The following RNF13 variants were observed in gnomAD, a reference collection of about 807,000 sequenced individuals.
The protein encoded by RNF13 is E3 ubiquitin-protein ligase RNF13.
RNF13 carries 19 observed loss-of-function variants against 37.7 expected under a neutral mutation model. The observed-to-expected ratio is 0.50, with a 90% CI of 0.35 to 0.74. RNF13 has a LOEUF of 0.74. Among genes scored for constraint, RNF13 ranks in the 30% least tolerant of loss-of-function variants. The pLI is 0.01. For synonymous variants in RNF13, 144 were observed against 157.8 expected (o/e 0.91, Z 0.65); for missense variants, 375 against 453.0 (o/e 0.83, Z 1.56).
At chr3:149,892,268 A>G (rs544439761) in intron 4 of RNF13, among the ~76,000 whole-genome samples, 20 of 152,286 alleles carry the variant, frequency 1.3e-4, no homozygotes, top group Non-Finnish European at 2.1e-4. Context: ...TGCATTTTGG[A>G]TGTGTGAAAG....
intron 1 of RNF13, among the ~76,000 whole-genome samples, chr3:149,813,601 C>G (rs1465721737): frequency 1.3e-5 from 2 of 152,198 alleles, no homozygotes; most frequent in African/African-American, 2.4e-5. Flanking sequence ...GTTGAGTTAC[C>G]GGTTTTGCTT....
In RNF13 at chr3:149,960,845, C is replaced by G. The variant is rs758291629; in HGVS notation, c.887C>G (p.Thr296Arg). Residue 296 changes from threonine to arginine, a missense_variant, in exon 10 of 10, where the codon ACA becomes AGA. Physicochemically the swap from Thr to Arg is moderately conservative, Grantham distance 71. Transcript: ENST00000392894. ...TCTCAAGGCGATTCAGACTCTGACA[C>G]AGACAGTAGTCAAGAAGAAAATGAA... is the stretch of plus-strand genomic sequence containing the variant. ...VPSQGDSDSD[T>R]DSSQEENEVT... is the part of the protein sequence containing the mutation. The G allele has an allele frequency of 2.2e-5, 36 of 1,614,192 alleles. No homozygotes were observed. The South Asian group carries it at 4.0e-4, about 18-fold the overall frequency.
At chr3:149,912,405 AAATT>A (rs1240063531) in intron 7 of RNF13, among the ~76,000 whole-genome samples, 2 of 152,160 alleles carry the variant, frequency 1.3e-5, no homozygotes, top group Admixed American at 1.3e-4. Flanking sequence ...TGGATTCACA[AAATT>A]AATTGTGTTG....
intron 4 of RNF13, among the ~76,000 whole-genome samples, chr3:149,893,391 T>C (rs1714921168): frequency 6.6e-6 from 1 of 152,218 alleles, no homozygotes; most frequent in South Asian, 2.1e-4. Context: ...TTGATATTGG[T>C]CTAATTTTAT....
intron 3 of RNF13, among the ~76,000 whole-genome samples, chr3:149,871,702 A>C (rs1422470543): frequency 6.6e-6 from 1 of 152,108 alleles, no homozygotes; most frequent in African/African-American, 2.4e-5. Context: ...TTAATTTTTA[A>C]GACATATTTG....
intron 4 of RNF13, among the ~76,000 whole-genome samples, chr3:149,889,234 G>A (rs1024495012): frequency 2.3e-4 from 34 of 149,492 alleles, no homozygotes; most frequent in Admixed American, 2.0e-3. Context: ...ACTGCACCTG[G>A]CCCCAGATAT....
chr3:149,932,566 T>C (rs1274417003), intron 8 of RNF13, among the ~76,000 whole-genome samples: 1 of 152,112 alleles, frequency 6.6e-6, no homozygotes, highest in African/African-American at 2.4e-5. Context: ...AAGGGAGGAA[T>C]TGGCCAAAAG....
At chr3:149,819,718 G>C (rs1719840064) in intron 1 of RNF13, among the ~76,000 whole-genome samples, 1 of 152,216 alleles carries the variant, frequency 6.6e-6, no homozygotes, top group Non-Finnish European at 1.5e-5. Flanking sequence ...AGTTTATGAA[G>C]AACTTTGTGC....
intron 8 of RNF13, among the ~76,000 whole-genome samples, chr3:149,933,204 T>G (rs1301429699): frequency 6.6e-6 from 1 of 151,654 alleles, no homozygotes; most frequent in Admixed American, 6.6e-5. Context: ...CCTGACCCAC[T>G]AAACCATTCT....
intron 8 of RNF13, among the ~76,000 whole-genome samples, chr3:149,948,317 C>T (rs2108595597): frequency 6.6e-6 from 1 of 152,184 alleles, no homozygotes; most frequent in East Asian, 1.9e-4. Context: ...TATTTTTTAG[C>T]CATTCAATCA....
At chr3:149,919,937 C>T (rs1717951927) in intron 7 of RNF13, among the ~76,000 whole-genome samples, 1 of 152,140 alleles carries the variant, frequency 6.6e-6, no homozygotes, top group African/African-American at 2.4e-5. Flanking sequence ...TTTAGTCACC[C>T]TAATAGGTAT....
chr3:149,820,927 C>G (rs1361506901), intron 1 of RNF13, among the ~76,000 whole-genome samples: 4 of 152,172 alleles, frequency 2.6e-5, no homozygotes, highest in Non-Finnish European at 4.4e-5. Context: ...GCTTCTTTCA[C>G]TTAGCAAAAT....
chr3:149,925,079 G>C (rs1718502026), intron 8 of RNF13, among the ~76,000 whole-genome samples: 1 of 152,114 alleles, frequency 6.6e-6, no homozygotes, highest in Non-Finnish European at 1.5e-5. Context: ...CAGAGGAGGA[G>C]GTATTGGAGC....
chr3:149,913,243 C>T (rs1382867784), intron 7 of RNF13, among the ~76,000 whole-genome samples: 1 of 151,866 alleles, frequency 6.6e-6, no homozygotes, highest in Non-Finnish European at 1.5e-5. Flanking sequence ...ACTTATTACA[C>T]ATATAGTAAG....
chr3:149,903,183 G>A (rs1278090557), intron 6 of RNF13, among the ~76,000 whole-genome samples: 1 of 151,958 alleles, frequency 6.6e-6, no homozygotes, highest in Non-Finnish European at 1.5e-5. Flanking sequence ...TTTAAGTTAA[G>A]GAATGTAATT....
intron 4 of RNF13, among the ~76,000 whole-genome samples, chr3:149,890,603 A>G (rs1475056924): frequency 2.0e-5 from 3 of 152,226 alleles, no homozygotes; most frequent in Non-Finnish European, 2.9e-5. Flanking sequence ...ATGTCTAATA[A>G]AAGTAGGATT....
chr3:149,895,441 C>G, intron 4 of RNF13, 32 bp from the exon 5 acceptor site: 1 of 1,151,944 alleles, frequency 8.7e-7, no homozygotes, highest in Admixed American at 2.6e-5. Flanking sequence ...TTCCTTATAA[C>G]ATAATTTTTT....
intron 5 of RNF13, among the ~76,000 whole-genome samples, chr3:149,900,842 C>CGT (rs142772347): frequency 3.2e-4 from 48 of 150,234 alleles, no homozygotes; most frequent in African/African-American, 7.1e-4. Context: ...CGCATGTGTG[C>CGT]GTGTGTGTGT....
At chr3:149,868,629 TCTTTC>T (rs1201284322) in intron 3 of RNF13, among the ~76,000 whole-genome samples, 6 of 151,116 alleles carry the variant, frequency 4.0e-5, no homozygotes, top group Non-Finnish European at 8.9e-5. Flanking sequence ...CCCTTTCTGT[TCTTTC>T]CTTTCTTTCT....
Sources: allele counts gnomAD v4.1 joint callset (sites outside exome capture counted in the v4.1 genomes callset), GRCh38; gene constraint gnomAD v4.1.1; transcripts MANE v1.5; gene names NCBI Gene and HGNC (gene_info 2026-07-23, HGNC 2026-07-21).